TIGD3: variants seen among roughly 807,000 people sequenced by gnomAD.
TIGD3 encodes tigger transposable element derived 3, also known as tigger transposable element-derived protein 3.
Under a neutral mutation model 14.8 loss-of-function variants are expected in TIGD3, and 7 were observed. The ratio of observed to expected loss-of-function variants is 0.47; its 90% CI spans 0.27 to 0.89. The LOEUF (loss-of-function observed/expected upper bound fraction) is 0.89. Ranked by LOEUF, TIGD3 falls within the 40% of genes least tolerant of loss-of-function variation. The pLI, the probability that TIGD3 is intolerant of heterozygous loss-of-function variation, is 0.13. For missense variants in TIGD3, 581 were observed against 611.0 expected, an observed-to-expected ratio of 0.95 and a Z score of 0.52; for synonymous variants, 243 against 269.4, an observed-to-expected ratio of 0.90 and a Z score of 0.96.
Position 65,356,638 on chromosome 11 carries a change from C to A in TIGD3, c.830C>A (p.Pro277His). Residue 277 changes from proline to histidine, a missense_variant, in exon 2 of 2, where the codon CCT becomes CAT. Coordinates refer to ENST00000309880, the MANE Select transcript of TIGD3 (RefSeq NM_145719.3). This position sits in a 1 kb window ranked among gnomAD's most constrained non-coding sequence, Gnocchi z 5.2. ...ARVVEELAGL[P>H]GLYHVKLLPL... ...GTGGTGGAGGAGCTGGCAGGCCTGCCTGGGCTCTACCACGTGAAGCTCTTG... is the reference window on the plus strand; with the variant it reads ...GTGGTGGAGGAGCTGGCAGGCCTGCATGGGCTCTACCACGTGAAGCTCTTG... 1 of 1,612,702 alleles carries A rather than the reference C, an allele frequency of 6.2e-7. No homozygotes were observed. The highest frequency in any genetic ancestry group is 1.1e-5 in the South Asian group (1 of 91,080).
rs745949326 is a variant in TIGD3, at chr11:65,357,256, C to A, written c.*32C>A. 2 of 1,600,126 alleles carry A rather than the reference C, an allele frequency of 1.2e-6. No individual in the cohort carries two copies. The highest frequency in any genetic ancestry group is 1.1e-5 in the South Asian group (1 of 90,166). The stretch of plus-strand genomic sequence containing the variant: ...CTTCACTGCTTGCCAGAGCCCCTTC[C>A]TCTCTTGTTTCCCATGGAAACGGCC... On this transcript the variant is annotated 3_prime_UTR_variant, in exon 2 of 2. Transcript: ENST00000309880.
In TIGD3 at chr11:65,355,897, C is replaced by A. The variant is rs1406645954; in HGVS notation, c.89C>A (p.Ser30Tyr). 2.6e-5 allele frequency: 42 copies of A among 1,613,844 alleles called. No homozygotes were observed. The highest frequency in any genetic ancestry group is 3.2e-5 in the Non-Finnish European group (38 of 1,180,054). The part of the protein sequence containing the change: ...VLELLDESKM[S>Y]QSEVARRFQV... ...GAACTCCTGGATGAGTCCAAGATGT[C>A]CCAGTCGGAGGTGGCCCGGCGCTTC... The change falls in exon 2 of 2, where the codon TCC becomes TAC. Residue 30 changes from serine (S) to tyrosine (Y), a missense_variant. Transcript: ENST00000309880.
Position 65,356,813 on chromosome 11 carries a change from C to T in TIGD3, c.1005C>T (p.Ile335=). The T allele has an allele frequency of 1.2e-6, 2 of 1,613,030 alleles. No individual in the cohort carries two copies. Among genetic ancestry groups the T allele is most frequent in the Non-Finnish European group, 1.7e-6 (2 of 1,179,902 alleles). The part of the protein sequence containing the change: ...GTSLAEAGAG[I]TVLDALHVAS... ...CGCTGGCCGAGGCCGGGGCAGGCAT[C>T]ACCGTGCTGGACGCCCTGCACGTGG... The change falls in exon 2 of 2, where the codon ATC becomes ATT. Residue 335 remains isoleucine (I), a synonymous_variant. Coordinates refer to ENST00000309880, the MANE Select transcript of TIGD3 (RefSeq NM_145719.3). This position sits in a 1 kb window ranked among gnomAD's most constrained non-coding sequence, Gnocchi z 5.2.
Position 65,354,909 on chromosome 11 carries a change from GGGAGCCGGGCTGGGGGCAGGGGCT to G in TIGD3, c.-57_-34del, listed in dbSNP as rs1854824966. On this transcript the variant is annotated 5_prime_UTR_variant, in exon 1 of 2. Transcript: ENST00000309880. ...GCTGTCGCCGCCCGGACAGGGGCTC[GGGAGCCGGGCTGGGGGCAGGGGCT>G]GGAGCCGCGGGACCAGCGCCTGAGG... is the stretch of plus-strand genomic sequence containing the variant. 1 of 151,778 alleles carries G rather than the reference GGGAGCCGGGCTGGGGGCAGGGGCT, an allele frequency of 6.6e-6. No homozygotes were observed. The highest frequency in any genetic ancestry group is 1.5e-5 in the Non-Finnish European group (1 of 67,924). The allele number at this position is 151,778 out of a possible 1,614,324, so 9.4% of individuals were successfully genotyped here.
Position 65,356,322 on chromosome 11 carries a change from G to A in TIGD3, c.514G>A (p.Val172Met). 1 of 1,612,420 alleles carries A rather than the reference G, an allele frequency of 6.2e-7. No homozygotes were observed. The highest frequency in any genetic ancestry group is 8.5e-7 in the Non-Finnish European group (1 of 1,180,028). The change falls in exon 2 of 2, where the codon GTG (valine) becomes ATG (methionine). Residue 172 changes from valine to methionine, a missense_variant. Val to Met is a conservative substitution (Grantham distance 21). Transcript: ENST00000309880. The surrounding 1 kb of genome is among the most constrained non-coding windows in gnomAD (Gnocchi z 5.2). The stretch of plus-strand genomic sequence containing the variant: ...CCTAAAAGACTTCTCTCCAGAGGAC[G>A]TGTTTGGCTGTGCTGAATTGCCCTT... ...LSLKDFSPEDVFGCAELPLLY... is the reference protein window; with the variant it reads ...LSLKDFSPEDMFGCAELPLLY...
rs1854872275 is a variant in TIGD3 at position 65,357,271 on chromosome 11, T to C, written c.*47T>C. On this transcript the variant is annotated 3_prime_UTR_variant, in exon 2 of 2. Transcript: ENST00000309880. ...GAGCCCCTTCCTCTCTTGTTTCCCA[T>C]GGAAACGGCCTCTTCAGAAGGCAGA... 5 of 1,561,816 alleles carry C rather than the reference T, an allele frequency of 3.2e-6. No homozygotes were observed. Among genetic ancestry groups the C allele is most frequent in the East Asian group, 2.3e-5 (1 of 44,244 alleles).
chr11:65,355,767 C>G (rs773236869), intron 1 of TIGD3, 26 bp from the exon 2 acceptor site: 1 of 1,558,878 alleles, frequency 6.4e-7, no homozygotes. Context: ...ATTACTCTAC[C>G]CGCTCAATCT....
chr11:65,356,247 C>A lies in TIGD3; in HGVS notation c.439C>A (p.Pro147Thr), dbSNP rs753770396. 3.1e-6 allele frequency: 5 copies of A among 1,613,026 alleles called. No homozygotes were observed. The highest frequency in any genetic ancestry group is 1.7e-5 in the Admixed American group (1 of 60,012). The change falls in exon 2 of 2, where the codon CCT (proline) becomes ACT (threonine). Residue 147 changes from proline to threonine, a missense_variant. Coordinates refer to ENST00000309880, the MANE Select transcript of TIGD3 (RefSeq NM_145719.3). This position sits in a 1 kb window ranked among gnomAD's most constrained non-coding sequence, Gnocchi z 5.2. ...CCATGTTCTTGCGCCTTCATTCCCC[C>A]CTGAGCCACCTCCCCCGGGGCTCAC... is the stretch of plus-strand genomic sequence containing the variant. ...ARHVLAPSFP[P>T]EPPPPGLTSQ...
In TIGD3 at chr11:65,355,935, C is replaced by T; in HGVS notation, c.127C>T (p.Pro43Ser). 1 of 1,613,904 alleles carries T rather than the reference C, an allele frequency of 6.2e-7. No individual in the cohort carries two copies. The highest frequency in any genetic ancestry group is 8.5e-7 in the Non-Finnish European group (1 of 1,180,042). ...EVARRFQVSQ[P>S]QISRICKNKE... ...GGCCCGGCGCTTCCAGGTTTCCCAG[C>T]CCCAGATCTCGCGCATCTGCAAGAA... The change falls in exon 2 of 2, where the codon CCC (proline) becomes TCC (serine). Residue 43 changes from proline (P) to serine (S), a missense_variant. By Grantham distance (74) the Pro-to-Ser change is moderately conservative. Coordinates refer to ENST00000309880, the MANE Select transcript of TIGD3 (RefSeq NM_145719.3).
rs2137726340 is a variant in TIGD3, at chr11:65,356,774, G to C, written c.966G>C (p.Glu322Asp). ...GCAAACTGGCTGCCATCCAAAGCGAGAGGGATGGCACCTCGCTGGCCGAGG... is the reference window on the plus strand; with the variant it reads ...GCAAACTGGCTGCCATCCAAAGCGACAGGGATGGCACCTCGCTGGCCGAGG... The part of the protein sequence containing the change: ...LLGKLAAIQS[E>D]RDGTSLAEAG... The change falls in exon 2 of 2, where the codon GAG becomes GAC. Residue 322 changes from glutamate (E) to aspartate (D), a missense_variant. Physicochemically the swap from Glu to Asp is conservative, Grantham distance 45. Coordinates refer to ENST00000309880, the MANE Select transcript of TIGD3 (RefSeq NM_145719.3). This position sits in a 1 kb window ranked among gnomAD's most constrained non-coding sequence, Gnocchi z 5.2. 4 of 1,613,024 alleles carry C rather than the reference G, an allele frequency of 2.5e-6. No individual in the cohort carries two copies. The highest frequency in any genetic ancestry group is 3.4e-6 in the Non-Finnish European group (4 of 1,179,930).
Position 65,356,743 on chromosome 11 carries a change from T to C in TIGD3, c.935T>C (p.Leu312Pro). Residue 312 changes from leucine (L) to proline (P), a missense_variant, in exon 2 of 2, where the codon CTG becomes CCG. Physicochemically the swap from Leu to Pro is moderately conservative, Grantham distance 98 (BLOSUM62 -3). Coordinates refer to ENST00000309880, the MANE Select transcript of TIGD3 (RefSeq NM_145719.3). This position sits in a 1 kb window ranked among gnomAD's most constrained non-coding sequence, Gnocchi z 5.2. ...TTTAAGGCCCATTACCGACACCGGC[T>C]GTTGGGCAAACTGGCTGCCATCCAA... Reference protein sequence around the residue: ...RAFKAHYRHRLLGKLAAIQSE... With the variant: ...RAFKAHYRHRPLGKLAAIQSE... 1 of 1,613,134 alleles carries C rather than the reference T, an allele frequency of 6.2e-7. No homozygotes were observed. The highest frequency in any genetic ancestry group is 8.5e-7 in the Non-Finnish European group (1 of 1,179,988).
At position 65,356,422 on chromosome 11, in the gene TIGD3, G is replaced by T; in HGVS notation, c.614G>T (p.Gly205Val). The T allele has an allele frequency of 6.2e-7, 1 of 1,609,898 alleles. No individual in the cohort carries two copies. Residue 205 changes from glycine to valine, a missense_variant, in exon 2 of 2, where the codon GGC (glycine) becomes GTC (valine). Physicochemically the swap from Gly to Val is moderately radical, Grantham distance 109. Transcript: ENST00000309880. This position sits in a 1 kb window ranked among gnomAD's most constrained non-coding sequence, Gnocchi z 5.2. ...GTGCTGCTGTGTGCCAACAGCAGGG[G>T]CACCGAGAAGCGGCGGGTACTGCTG... ...VQVLLCANSR[G>V]TEKRRVLLGG...
chr11:65,355,622 G>A (rs1854838318), intron 1 of TIGD3, among the ~76,000 whole-genome samples, 171 bp from the exon 2 acceptor site: 2 of 152,140 alleles, frequency 1.3e-5, no homozygotes, highest in South Asian at 4.2e-4. Context: ...GGCATCCTGG[G>A]GACGGGGCCA....
rs1392002129 is a variant in TIGD3, at chr11:65,356,733, CG to C, written c.926del (p.Arg309HisfsTer79). 6.2e-7 allele frequency: 1 copy of C among 1,613,080 alleles called. No homozygotes were observed. The highest frequency in any genetic ancestry group is 1.3e-5 in the African/African-American group (1 of 74,942). ...SVVRAFKAHY[R>X]HRLLGKLAAI... ...GGTCCGGGCCTTTAAGGCCCATTAC[CG>C]ACACCGGCTGTTGGGCAAACTGGCT... On this transcript the variant is annotated frameshift_variant, in exon 2 of 2. Coordinates refer to ENST00000309880, the MANE Select transcript of TIGD3 (RefSeq NM_145719.3). LOFTEE classifies it low-confidence loss of function (END_TRUNC). This position sits in a 1 kb window ranked among gnomAD's most constrained non-coding sequence, Gnocchi z 5.2.
Position 65,356,123 on chromosome 11 carries a change from A to T in TIGD3, c.315A>T (p.Lys105Asn). Residue 105 changes from lysine to asparagine, a missense_variant, in exon 2 of 2, where the codon AAA becomes AAT. Lys to Asn is a moderately conservative substitution (Grantham distance 94). Coordinates refer to ENST00000309880, the MANE Select transcript of TIGD3 (RefSeq NM_145719.3). The surrounding 1 kb of genome is among the most constrained non-coding windows in gnomAD (Gnocchi z 5.2). ...TGACGGGGCCCATGCTGCTCCACAA[A>T]GCCAAGGAGCTGGCCGATATCATGG... ...WDVTGPMLLH[K>N]AKELADIMGQ... is the part of the protein sequence containing the mutation. 6.2e-7 allele frequency: 1 copy of T among 1,611,632 alleles called. No individual in the cohort carries two copies. The highest frequency in any genetic ancestry group is 8.5e-7 in the Non-Finnish European group (1 of 1,179,994).
At position 65,357,405 on chromosome 11, in the gene TIGD3, A is replaced by G; in HGVS notation, c.*181A>G. 1.6e-6 allele frequency: 1 copy of G among 624,492 alleles called. No individual in the cohort carries two copies. Among genetic ancestry groups the G allele is most frequent in the African/African-American group, 1.9e-5 (1 of 53,936 alleles). The allele number at this position is 624,492 out of a possible 1,614,324, so 38.7% of individuals were successfully genotyped here. ...AGTGGCAGTCGTCCAAACCCCAGGAAGAGAGCTCTAAAGATGGGGCTTCGG... is the reference window on the plus strand; with the variant it reads ...AGTGGCAGTCGTCCAAACCCCAGGAGGAGAGCTCTAAAGATGGGGCTTCGG... On this transcript the variant is annotated 3_prime_UTR_variant, in exon 2 of 2. Coordinates refer to ENST00000309880, the MANE Select transcript of TIGD3 (RefSeq NM_145719.3).
chr11:65,355,614 C>T (rs1272267056), intron 1 of TIGD3, among the ~76,000 whole-genome samples, 179 bp from the exon 2 acceptor site: 2 of 152,112 alleles, frequency 1.3e-5, no homozygotes, highest in Non-Finnish European at 2.9e-5. Flanking sequence ...TCTGCCCTGG[C>T]ATCCTGGGGA....
At position 65,355,794 on chromosome 11, in the gene TIGD3, TGCCCCGGAGAG is replaced by T. The variant is rs771949219; in HGVS notation, c.-11_-1del. 3 of 1,596,670 alleles carry T rather than the reference TGCCCCGGAGAG, an allele frequency of 1.9e-6. No individual in the cohort carries two copies. In the South Asian group the frequency reaches 3.3e-5, roughly 18 times the overall value. ...GCTCAATCTTTCCTCCCCGCACAGG[TGCCCCGGAGAG>T]GCCATGGAGCTGAGCAGCAAGAAGA... On this transcript the variant is annotated splice_region_variant and 5_prime_UTR_variant, in exon 2 of 2. Transcript: ENST00000309880.
Position 65,357,197 on chromosome 11 carries a change from G to A in TIGD3, c.1389G>A (p.Glu463=). 6.2e-7 allele frequency: 1 copy of A among 1,614,204 alleles called. No individual in the cohort carries two copies. The highest frequency in any genetic ancestry group is 1.1e-5 in the South Asian group (1 of 91,082). Reference sequence around the variant, plus strand: ...TCGAAAAATTCTACGACTGTGAGGAGGAGGTGGAGCGGCTTTGCTGCCTAT... The same window carrying A: ...TCGAAAAATTCTACGACTGTGAGGAAGAGGTGGAGCGGCTTTGCTGCCTAT... ...ELFEKFYDCE[E]EVERLCCL is the part of the protein sequence containing the mutation. Residue 463 remains glutamate (E), a synonymous_variant, in exon 2 of 2, where the codon GAG becomes GAA. Coordinates refer to ENST00000309880, the MANE Select transcript of TIGD3 (RefSeq NM_145719.3).
Sources: gnomAD v4.1 joint callset for allele counts (sites outside exome capture counted in the v4.1 genomes callset) on GRCh38, gnomAD v4.1.1 for gene constraint, Gnocchi (gnomAD v3.1) non-coding constraint, MANE v1.5 for transcripts, NCBI Gene and HGNC (gene_info 2026-07-23, HGNC 2026-07-21) for gene names.